PCBP3: variants seen among roughly 807,000 people sequenced by gnomAD.
The protein encoded by PCBP3 is poly(rC)-binding protein 3.
In PCBP3, 25 loss-of-function variants were observed where a neutral mutation model predicts 52.7. The observed-to-expected ratio is 0.47, with a 90% CI of 0.35 to 0.66. The LOEUF is 0.66. Among genes scored for constraint, PCBP3 ranks in the 30% least tolerant of loss-of-function variants. PCBP3 has a pLI of 0.01. For synonymous variants in PCBP3, 162 were observed against 183.0 expected, an observed-to-expected ratio of 0.89 and a Z score of 0.93; for missense variants, 391 against 490.3, an observed-to-expected ratio of 0.80 and a Z score of 1.91.
At position 45,917,368 on chromosome 21, in the gene PCBP3, C is replaced by CCCCCA; in HGVS notation, c.676-219_676-218insCCCAC. 2 of 396,834 alleles carry CCCCCA rather than the reference C, an allele frequency of 5.0e-6. No individual in the cohort carries two copies. Among genetic ancestry groups the CCCCCA allele is most frequent in the Non-Finnish European group, 4.7e-6 (1 of 211,194 alleles). 24.6% of individuals were successfully genotyped at this position (396,834 alleles called of 1,614,324 possible). A position where few individuals can be genotyped will look rare whatever the true frequency, so the allele number is the denominator to read the frequency against. ...GTTTCCCTCCCACCCGCTGAACTGGCCAGCTCAGCTCTGCCCGCCCAGAGG... is the reference window on the plus strand; with the variant it reads ...GTTTCCCTCCCACCCGCTGAACTGGCCCCCACAGCTCAGCTCTGCCCGCCCAGAGG... On this transcript the variant is annotated intron_variant, in intron 12 of 17. Transcript: ENST00000681687. The surrounding 1 kb of genome is among the most constrained non-coding windows in gnomAD (Gnocchi z 5.3).
chr21:45,757,792 A>G (rs2088205033), intron 4 of PCBP3, among the ~76,000 whole-genome samples: 1 of 152,160 alleles, frequency 6.6e-6, no homozygotes, highest in Non-Finnish European at 1.5e-5. Flanking sequence ...TTATTTTCCT[A>G]TGGAATGGTC....
In PCBP3 at chr21:45,827,432, C is replaced by T. The variant is rs536836020; in HGVS notation, c.-125-22529C>T. 1.3e-5 allele frequency among the ~76,000 whole-genome samples: 2 copies of T among 152,138 alleles called. No homozygotes were observed. Among genetic ancestry groups the T allele is most frequent in the African/African-American group, 4.8e-5 (2 of 41,406 alleles). ...TCCAGTTCAGCTGACAAAAGGCAAT[C>T]GACAGACACCAACACCAACACCCAG... On this transcript the variant is annotated intron_variant, in intron 4 of 17. Coordinates refer to ENST00000681687, the MANE Select transcript of PCBP3 (RefSeq NM_001384156.1). This position sits in a 1 kb window ranked among gnomAD's most constrained non-coding sequence, Gnocchi z 4.3.
chr21:45,694,911 A>G lies in PCBP3; in HGVS notation c.-200+25959A>G, dbSNP rs9306140. ...TGCTCTTTGAAACTAAAACACCACG[A>G]TCGAAATTTCAGCAATTTGTTTTTT... On this transcript the variant is annotated intron_variant, in intron 2 of 17. Transcript: ENST00000681687. Among the ~76,000 whole-genome samples, 709 of 152,350 alleles carry G rather than the reference A, an allele frequency of 4.7e-3. 4 individuals carry two copies. Among genetic ancestry groups the G allele is most frequent in the African/African-American group, 0.016 (668 of 41,572 alleles).
intron 3 of PCBP3, among the ~76,000 whole-genome samples, chr21:45,740,580 G>A (rs780977434): frequency 6.6e-6 from 1 of 151,522 alleles, no homozygotes; most frequent in African/African-American, 2.4e-5. Context: ...AAGCTGAGAG[G>A]TGCGTGTGTG....
At chr21:45,710,551 A>G (rs563535630) in intron 2 of PCBP3, among the ~76,000 whole-genome samples, 6 of 152,174 alleles carry the variant, frequency 3.9e-5, no homozygotes, top group Admixed American at 2.0e-4. Context: ...AATCCAGTCT[A>G]TCATTGTTGG....
Position 45,917,598 on chromosome 21 carries a change from T to A in PCBP3, c.686T>A (p.Ile229Asn). ...VIFAGGQAYTIQGQYAIPHPD... is the reference protein window; with the variant it reads ...VIFAGGQAYTNQGQYAIPHPD... The stretch of plus-strand genomic sequence containing the variant: ...TCTCTCTCTCTCTAGGCCTACACAA[T>A]CCAGGGACAGTATGCCATCCCTCAC... Residue 229 changes from isoleucine (I) to asparagine (N), a missense_variant, in exon 13 of 18, where the codon ATC (isoleucine) becomes AAC (asparagine). Ile to Asn is a moderately radical substitution (Grantham distance 149). Coordinates refer to ENST00000681687, the MANE Select transcript of PCBP3 (RefSeq NM_001384156.1). This position sits in a 1 kb window ranked among gnomAD's most constrained non-coding sequence, Gnocchi z 5.3. 2 of 1,613,158 alleles carry A rather than the reference T, an allele frequency of 1.2e-6. No homozygotes were observed. Among genetic ancestry groups the A allele is most frequent in the Non-Finnish European group, 1.7e-6 (2 of 1,179,370 alleles).
chr21:45,683,612 G>C (rs62215043), intron 2 of PCBP3, among the ~76,000 whole-genome samples: 1 of 152,162 alleles, frequency 6.6e-6, no homozygotes, highest in African/African-American at 2.4e-5. Flanking sequence ...CCTTGAAGAA[G>C]TTTATCACAG....
intron 9 of PCBP3, chr21:45,901,449 C>T: frequency 3.3e-6 from 1 of 304,348 alleles, no homozygotes; most frequent in African/African-American, 2.1e-5. Context: ...CTGGCTGACC[C>T]TTGGGCCACA....
At chr21:45,766,478 C>T (rs2089336744) in intron 4 of PCBP3, among the ~76,000 whole-genome samples, 2 of 152,350 alleles carry the variant, frequency 1.3e-5, no homozygotes, top group South Asian at 4.1e-4. Context: ...GGGAGGCAGC[C>T]ATCTGCAAAA....
rs950624102 is a variant in PCBP3 at position 45,941,898 on chromosome 21, C to T, written c.*192C>T. 9.1e-6 allele frequency: 4 copies of T among 437,648 alleles called. No homozygotes were observed. The highest frequency in any genetic ancestry group is 2.0e-5 in the African/African-American group (1 of 49,078). The allele number at this position is 437,648 out of a possible 1,614,324, so 27.1% of individuals were successfully genotyped here. On this transcript the variant is annotated 3_prime_UTR_variant, in exon 18 of 18. Coordinates refer to ENST00000681687, the MANE Select transcript of PCBP3 (RefSeq NM_001384156.1). The stretch of plus-strand genomic sequence containing the variant: ...TGCTCTCTACAGAGGCTGCAGGCTC[C>T]GCCGAGTCCCCCCTCAGTGTTATTT...
chr21:45,784,607 C>G (rs926196608), intron 4 of PCBP3, among the ~76,000 whole-genome samples: 1 of 152,190 alleles, frequency 6.6e-6, no homozygotes, highest in Admixed American at 6.5e-5. Context: ...ATTGCAGGCG[C>G]GCGCCGCCAC....
intron 4 of PCBP3, among the ~76,000 whole-genome samples, chr21:45,832,865 C>A (rs2093486009): frequency 6.6e-6 from 1 of 152,190 alleles, no homozygotes; most frequent in South Asian, 2.1e-4. Context: ...CAAGCACCTT[C>A]TTCACAAGGC....
At chr21:45,712,531 C>T (rs1440653483) in intron 2 of PCBP3, among the ~76,000 whole-genome samples, 1 of 152,142 alleles carries the variant, frequency 6.6e-6, no homozygotes. Flanking sequence ...AAAACTGACT[C>T]TTCTGTACCT....
At chr21:45,841,784 T>C (rs2093704244) in intron 4 of PCBP3, among the ~76,000 whole-genome samples, 1 of 152,252 alleles carries the variant, frequency 6.6e-6, no homozygotes. Flanking sequence ...GTAGCATTCC[T>C]AGCCTCAGCA....
In PCBP3 at chr21:45,874,071, A is replaced by C. The variant is rs965673552; in HGVS notation, c.11-22137A>C. ...GGCCCAGGCTGGGCTCAAGTGATCC[A>C]CCCGCCTCAGCCTCCCTAAGTGCTG... On this transcript the variant is annotated intron_variant, in intron 5 of 17. Transcript: ENST00000681687. Among the ~76,000 whole-genome samples, 8 of 151,334 alleles carry C rather than the reference A, an allele frequency of 5.3e-5. No individual in the cohort carries two copies. The South Asian group carries it at 8.4e-4, about 16-fold the overall frequency.
chr21:45,874,550 G>A (rs550311094), intron 5 of PCBP3, among the ~76,000 whole-genome samples: 2 of 149,506 alleles, frequency 1.3e-5, no homozygotes, highest in East Asian at 3.9e-4. Flanking sequence ...TGTCGTCCCG[G>A]GCTGGAGTGC....
Position 45,853,312 on chromosome 21 carries a change from G to A in PCBP3, c.10+3217G>A, listed in dbSNP as rs541620793. Among the ~76,000 whole-genome samples the A allele has an allele frequency of 5.9e-5, 9 of 152,358 alleles. No homozygotes were observed. Among genetic ancestry groups the A allele is most frequent in the South Asian group, 2.1e-4 (1 of 4,822 alleles). On this transcript the variant is annotated intron_variant, in intron 5 of 17. Transcript: ENST00000681687. The surrounding 1 kb of genome is among the most constrained non-coding windows in gnomAD (Gnocchi z 4.6). ...CTAACTGTGGCAGAAGCCAGATGCC[G>A]TGGGTTGGGTGTGCCAATGGCCCTT...
intron 13 of PCBP3, among the ~76,000 whole-genome samples, chr21:45,920,154 C>T (rs943172811): frequency 3.3e-5 from 5 of 152,172 alleles, no homozygotes; most frequent in African/African-American, 1.2e-4. Flanking sequence ...TTTGTGTTTA[C>T]CCCAGACAGT....
chr21:45,726,233 G>T (rs2085032922), intron 2 of PCBP3, among the ~76,000 whole-genome samples: 1 of 152,134 alleles, frequency 6.6e-6, no homozygotes, highest in Admixed American at 6.5e-5. Flanking sequence ...TCAGGTAACA[G>T]ATGTCCAAGT....
Sources: gnomAD v4.1 joint callset for allele counts (sites outside exome capture counted in the v4.1 genomes callset) on GRCh38, gnomAD v4.1.1 for gene constraint, Gnocchi (gnomAD v3.1) non-coding constraint, MANE v1.5 for transcripts, NCBI Gene and HGNC (gene_info 2026-07-23, HGNC 2026-07-21) for gene names.